The following GEMIN5 variants were observed in gnomAD, a reference collection of about 807,000 sequenced individuals.
GEMIN5 encodes gem nuclear organelle associated protein 5, also known as gem-associated protein 5.
GEMIN5 carries 124 observed loss-of-function variants against 176.9 expected under a neutral mutation model. The ratio of observed to expected loss-of-function variants is 0.70; its 90% CI spans 0.61 to 0.81. The LOEUF is 0.81. GEMIN5 is among the 40% of genes least tolerant of loss of function. GEMIN5 has a pLI of 0.00. For missense variants in GEMIN5, 1,843 were observed against 1,814.6 expected, an observed-to-expected ratio of 1.02 and a Z score of -0.28; for synonymous variants, 673 against 665.2, an observed-to-expected ratio of 1.01 and a Z score of -0.18.
At position 154,935,705 on chromosome 5, in the gene GEMIN5, G is replaced by C; in HGVS notation, c.509+136C>G. The C allele has an allele frequency of 1.6e-5, 10 of 625,910 alleles. No homozygotes were observed. The South Asian group carries it at 2.0e-4, about 13-fold the overall frequency. The allele number at this position is 625,910 out of a possible 1,614,324, so 38.8% of individuals were successfully genotyped here. A position where few individuals can be genotyped will look rare whatever the true frequency, so the allele number is the denominator to read the frequency against. On this transcript the variant is annotated intron_variant, in intron 3 of 27. Coordinates refer to ENST00000285873, the MANE Select transcript of GEMIN5 (RefSeq NM_015465.5). ...GTAAAGACCTGGAGGAATAAATGAT[G>C]CCAGGGGCTCAGGGGGAGTGGTTAA...
At chr5:154,936,966 A>G (rs983016612) in intron 2 of GEMIN5, 59 bp downstream of exon 2, 27 of 1,367,708 alleles carry the variant, frequency 2.0e-5, no homozygotes, top group Non-Finnish European at 2.6e-5. Context: ...AGCTTGCAAC[A>G]GAAGAACCCT....
intron 15 of GEMIN5, 88 bp downstream of exon 15, chr5:154,911,639 C>T (rs1763701295): frequency 8.5e-7 from 1 of 1,169,602 alleles, no homozygotes; most frequent in East Asian, 2.3e-5. Context: ...TAATGCCCTA[C>T]ACGAATGTCT....
intron 16 of GEMIN5, among the ~76,000 whole-genome samples, chr5:154,907,177 T>A (rs1446476335): frequency 6.6e-6 from 1 of 152,198 alleles, no homozygotes; most frequent in African/African-American, 2.4e-5. Context: ...GGGTGAGAGC[T>A]TGCAAGTTCC....
rs200376323 is a variant in GEMIN5, at chr5:154,891,611, T to C, written c.3892A>G (p.Asn1298Asp). ...FWWSLSRPCP[N>D]SSVWVRAGHR... The stretch of plus-strand genomic sequence containing the variant: ...CCAGCCCTTACCCAGACACTGGAAT[T>C]TGGGCAAGGTCTGGAGAGAGACCAC... Residue 1298 changes from asparagine to aspartate, a missense_variant, in exon 26 of 28, where the codon AAT (asparagine) becomes GAT (aspartate). Physicochemically the swap from Asn to Asp is conservative, Grantham distance 23. Transcript: ENST00000285873. 5.0e-6 allele frequency: 8 copies of C among 1,613,978 alleles called. No homozygotes were observed. The highest frequency in any genetic ancestry group is 2.7e-5 in the African/African-American group (2 of 74,896).
intron 26 of GEMIN5, among the ~76,000 whole-genome samples, chr5:154,890,548 C>T (rs1424623368): frequency 6.6e-6 from 1 of 150,804 alleles, no homozygotes; most frequent in African/African-American, 2.4e-5. Context: ...ACTACAGCCT[C>T]GAACTCCTGG....
Position 154,921,451 on chromosome 5 carries a change from A to G in GEMIN5, c.1380-26T>C, listed in dbSNP as rs768416176. On this transcript the variant is annotated intron_variant, in intron 9 of 27. Coordinates refer to ENST00000285873, the MANE Select transcript of GEMIN5 (RefSeq NM_015465.5). ...CTTTAGAAGAGCAGGGAGAGAGAACAAATGGAGATTTAAACAAAAAGGCAT... is the reference window on the plus strand; with the variant it reads ...CTTTAGAAGAGCAGGGAGAGAGAACGAATGGAGATTTAAACAAAAAGGCAT... 6 of 1,043,746 alleles carry G rather than the reference A, an allele frequency of 5.7e-6. No homozygotes were observed. The South Asian group carries it at 8.4e-5, about 15-fold the overall frequency. The allele number at this position is 1,043,746 out of a possible 1,614,324, so 64.7% of individuals were successfully genotyped here. A position where few individuals can be genotyped will look rare whatever the true frequency, so the allele number is the denominator to read the frequency against.
intron 3 of GEMIN5, among the ~76,000 whole-genome samples, chr5:154,935,548 A>G (rs1211923383): frequency 1.3e-5 from 2 of 152,222 alleles, no homozygotes; most frequent in Non-Finnish European, 2.9e-5. Context: ...ATCAACGGGC[A>G]GTAGAGAAAG....
intron 24 of GEMIN5, among the ~76,000 whole-genome samples, chr5:154,893,410 C>T (rs568008296): frequency 4.7e-5 from 7 of 150,424 alleles, no homozygotes; most frequent in Admixed American, 1.3e-4. Flanking sequence ...CAGAGTGAGA[C>T]GCTGTCTCAA....
intron 12 of GEMIN5, 93 bp from the exon 13 acceptor site, chr5:154,917,272 A>C (rs376373635): frequency 1.6e-6 from 1 of 608,268 alleles, no homozygotes; most frequent in African/African-American, 1.9e-5. Context: ...TCAGTCAAGG[A>C]AAGATGAGGT....
Position 154,888,143 on chromosome 5 carries a change from C to T in GEMIN5, c.*67G>A. The stretch of plus-strand genomic sequence containing the variant: ...GGACCAGAGTGAATGTCTGGTGAGG[C>T]ATAACTGCAGAGGTGAAAGATGTCA... On this transcript the variant is annotated 3_prime_UTR_variant, in exon 28 of 28. Transcript: ENST00000285873. 1.4e-6 allele frequency: 2 copies of T among 1,403,624 alleles called. No homozygotes were observed. The highest frequency in any genetic ancestry group is 1.8e-4 in the Middle Eastern group (1 of 5,670). 86.9% of individuals were successfully genotyped at this position (1,403,624 alleles called of 1,614,324 possible).
At chr5:154,899,381 A>G (rs1276501116) in intron 21 of GEMIN5, 71 bp from the exon 22 acceptor site, 1 of 1,283,030 alleles carries the variant, frequency 7.8e-7, no homozygotes, top group Non-Finnish European at 1.0e-6. Context: ...GAGGGGCTGT[A>G]AGACAGGACA....
intron 9 of GEMIN5, among the ~76,000 whole-genome samples, chr5:154,921,929 G>A (rs1763932220): frequency 6.6e-6 from 1 of 152,170 alleles, no homozygotes; most frequent in African/African-American, 2.4e-5. Context: ...TATGTGATGT[G>A]TCAGTAAAGA....
chr5:154,931,669 A>G, intron 4 of GEMIN5, 92 bp from the exon 5 acceptor site: 1 of 1,033,664 alleles, frequency 9.7e-7, no homozygotes. Context: ...AAACTTAGCT[A>G]TCTCTTTCAT....
intron 9 of GEMIN5, among the ~76,000 whole-genome samples, chr5:154,922,150 T>C (rs1763935741): frequency 6.6e-6 from 1 of 152,260 alleles, no homozygotes; most frequent in African/African-American, 2.4e-5. Flanking sequence ...GGCTAATTTA[T>C]ACTTTAGCCT....
chr5:154,919,535 A>T lies in GEMIN5; in HGVS notation c.1599+432T>A, dbSNP rs368045491. ...TCATTTTACTAGAAAATTAAAAACA[A>T]AATGACAATTTTGTCTTGAGTAAAA... is the stretch of plus-strand genomic sequence containing the variant. On this transcript the variant is annotated intron_variant, in intron 11 of 27. Transcript: ENST00000285873. Among the ~76,000 whole-genome samples the T allele has an allele frequency of 1.5e-4, 23 of 152,346 alleles. No homozygotes were observed. In the East Asian group the frequency reaches 2.9e-3, roughly 19 times the overall value.
intron 5 of GEMIN5, among the ~76,000 whole-genome samples, chr5:154,929,102 T>C (rs895813287): frequency 1.3e-5 from 2 of 152,076 alleles, no homozygotes; most frequent in African/African-American, 4.8e-5. Context: ...CAGGCACCTG[T>C]AGTCCCAGCT....
intron 24 of GEMIN5, among the ~76,000 whole-genome samples, chr5:154,895,614 G>C (rs770359701): frequency 1.3e-5 from 2 of 152,184 alleles, no homozygotes; most frequent in Non-Finnish European, 2.9e-5. Context: ...AATGAAACCA[G>C]AAAACCCTAC....
chr5:154,908,479 C>T lies in GEMIN5; in HGVS notation c.2168-661G>A, dbSNP rs375200561. 2.1e-4 allele frequency among the ~76,000 whole-genome samples: 32 copies of T among 152,236 alleles called. No homozygotes were observed. In the East Asian group the frequency reaches 3.5e-3, roughly 17 times the overall value. On this transcript the variant is annotated intron_variant, in intron 15 of 27. Transcript: ENST00000285873. ...TACAGGCATGAGCCACCACGCCCGGCCTACCCAGATGTCTTTTATAGCAAA... is the reference window on the plus strand; with the variant it reads ...TACAGGCATGAGCCACCACGCCCGGTCTACCCAGATGTCTTTTATAGCAAA...
rs761950256 is a variant in GEMIN5, at chr5:154,920,024, C to T, written c.1542G>A (p.Lys514=). ...EGIVLQHNPW[K]LSGEAFDINK... ...TGATGTCAAAGGCTTCTCCACTAAG[C>T]TTCCAGGGATTATGCTGTAAGACAA... The change falls in exon 11 of 28, where the codon AAG becomes AAA. Residue 514 remains lysine, a synonymous_variant. Transcript: ENST00000285873. 4.3e-6 allele frequency: 7 copies of T among 1,613,494 alleles called. No individual in the cohort carries two copies. The highest frequency in any genetic ancestry group is 5.1e-6 in the Non-Finnish European group (6 of 1,179,502).
Sources: allele counts gnomAD v4.1 joint callset (sites outside exome capture counted in the v4.1 genomes callset), GRCh38; gene constraint gnomAD v4.1.1; transcripts MANE v1.5; gene names NCBI Gene and HGNC (gene_info 2026-07-23, HGNC 2026-07-21).